Variants in MGAT5 observed in about 807,000 individuals in gnomAD.
The protein encoded by MGAT5 is alpha-1,6-mannosylglycoprotein 6-beta-N-acetylglucosaminyltransferase.
A neutral mutation model predicts 94.3 loss-of-function variants in MGAT5; 30 were observed. The observed-to-expected ratio is 0.32, with a 90% CI of 0.24 to 0.43. The LOEUF (loss-of-function observed/expected upper bound fraction) is 0.43, where lower values mean the gene tolerates loss of function less well. Ranked by LOEUF, MGAT5 falls within the 20% of genes least tolerant of loss-of-function variation. The pLI, the probability that MGAT5 is intolerant of heterozygous loss-of-function variation, is 1.00. For synonymous variants in MGAT5, 310 were observed against 322.9 expected (o/e 0.96, Z 0.43); for missense variants, 691 against 905.5 (o/e 0.76, Z 3.04).
chr2:134,209,146 T>TAACATAACAACATAAAACCCCGTAAAA (rs1558989217), intron 1 of MGAT5, among the ~76,000 whole-genome samples: 2 of 33,066 alleles, frequency 6.0e-5, no homozygotes, highest in East Asian at 8.8e-4. Flanking sequence ...GGCTTATTTT[T>TAACATAACAACATAAAACCCCGTAAAA]TTTTTATTTT....
At chr2:134,229,612 TAGAA>T (rs1464013591) in intron 1 of MGAT5, among the ~76,000 whole-genome samples, 1 of 152,236 alleles carries the variant, frequency 6.6e-6, no homozygotes, top group Non-Finnish European at 1.5e-5. Context: ...TATGATTTGT[TAGAA>T]AGATGATTTA....
intron 1 of MGAT5, among the ~76,000 whole-genome samples, chr2:134,148,828 G>T (rs901724577): frequency 7.3e-6 from 1 of 136,690 alleles, no homozygotes; most frequent in Non-Finnish European, 1.5e-5. Context: ...GTGTGATCTC[G>T]GCTCACCGCA....
chr2:134,406,409 G>A (rs887209524), intron 11 of MGAT5, among the ~76,000 whole-genome samples: 1 of 152,152 alleles, frequency 6.6e-6, no homozygotes, highest in Non-Finnish European at 1.5e-5. Context: ...GGTCATGACG[G>A]CACTGTTTCC....
chr2:134,187,739 GA>G (rs1392167010), intron 1 of MGAT5, among the ~76,000 whole-genome samples: 2 of 152,182 alleles, frequency 1.3e-5, no homozygotes, highest in African/African-American at 4.8e-5. Context: ...TCGGATAAGT[GA>G]ATGAAATTGA....
chr2:134,213,852 A>T (rs1426320526), intron 1 of MGAT5, among the ~76,000 whole-genome samples: 1 of 148,214 alleles, frequency 6.7e-6, no homozygotes, highest in Non-Finnish European at 1.5e-5. Context: ...GGTTGTGTTC[A>T]GCAACCTGGA....
At chr2:134,321,351 G>A (rs1359637751) in intron 4 of MGAT5, among the ~76,000 whole-genome samples, 1 of 152,186 alleles carries the variant, frequency 6.6e-6, no homozygotes, top group Non-Finnish European at 1.5e-5. Flanking sequence ...TTTGCATGTT[G>A]GGGTATGCTG....
chr2:134,324,316 G>A (rs1687516104), intron 4 of MGAT5, among the ~76,000 whole-genome samples: 1 of 152,124 alleles, frequency 6.6e-6, no homozygotes, highest in Admixed American at 6.6e-5. Flanking sequence ...ATGCATGAGA[G>A]TGTGTCTATG....
intron 2 of MGAT5, among the ~76,000 whole-genome samples, chr2:134,277,627 GGAGGATTAGGTGA>G (rs1449499650): frequency 5.3e-5 from 8 of 152,176 alleles, no homozygotes; most frequent in African/African-American, 1.9e-4. Flanking sequence ...AACCATGTCA[GGAGGATTAGGTGA>G]GACCAATAAC....
intron 2 of MGAT5, among the ~76,000 whole-genome samples, chr2:134,293,028 G>T (rs1685464662): frequency 6.6e-6 from 1 of 152,214 alleles, no homozygotes; most frequent in Non-Finnish European, 1.5e-5. Context: ...GGGAAAAATA[G>T]CTAGCAAGCA....
chr2:134,159,845 A>G (rs1687649902), intron 1 of MGAT5, among the ~76,000 whole-genome samples: 1 of 152,182 alleles, frequency 6.6e-6, no homozygotes, highest in South Asian at 2.1e-4. Flanking sequence ...GTTAAGCACT[A>G]CTTTAGCTCC....
intron 11 of MGAT5, among the ~76,000 whole-genome samples, chr2:134,408,600 C>T (rs1683472870): frequency 6.6e-6 from 1 of 152,188 alleles, no homozygotes; most frequent in South Asian, 2.1e-4. Context: ...CCTTCCAGCT[C>T]TTCCCTAGAG....
chr2:134,141,578 C>T (rs946523709), intron 1 of MGAT5, among the ~76,000 whole-genome samples: 17 of 152,182 alleles, frequency 1.1e-4, no homozygotes, highest in African/African-American at 4.1e-4. Flanking sequence ...GGGGAGCTTA[C>T]AGCCTAATGA....
rs75440353 is a variant in MGAT5, at chr2:134,339,315, G to A, written c.807+895G>A. 5.5e-3 allele frequency among the ~76,000 whole-genome samples: 843 copies of A among 152,234 alleles called. 2 individuals carry two copies. Among genetic ancestry groups the A allele is most frequent in the Admixed American group, 8.5e-3 (130 of 15,288 alleles). Reference sequence around the variant, plus strand: ...CTGTATATTCCTGTGGAGTAACCTCGAGGATATATTGTTAGGTGAAGAAAA... The same window carrying A: ...CTGTATATTCCTGTGGAGTAACCTCAAGGATATATTGTTAGGTGAAGAAAA... On this transcript the variant is annotated intron_variant, in intron 6 of 15. Transcript: ENST00000281923.
At chr2:134,127,740 T>C (rs1685914718) in intron 1 of MGAT5, among the ~76,000 whole-genome samples, 1 of 152,122 alleles carries the variant, frequency 6.6e-6, no homozygotes, top group Admixed American at 6.5e-5. Flanking sequence ...TTAGTGATTC[T>C]GATTTCTCAT....
chr2:134,235,266 G>T (rs1264694057), intron 1 of MGAT5, among the ~76,000 whole-genome samples: 1 of 152,102 alleles, frequency 6.6e-6, no homozygotes, highest in East Asian at 1.9e-4. Flanking sequence ...GCCTGGGAAG[G>T]TGGTTATCTT....
At chr2:134,326,003 C>T (rs1178238955) in intron 4 of MGAT5, among the ~76,000 whole-genome samples, 1 of 149,372 alleles carries the variant, frequency 6.7e-6, no homozygotes, top group African/African-American at 2.5e-5. Context: ...GTATTATATA[C>T]TTGAGTTGGG....
At chr2:134,441,649 T>G in intron 14 of MGAT5, 109 bp from the exon 15 acceptor site, 6 of 1,320,724 alleles carry the variant, frequency 4.5e-6, no homozygotes, top group Non-Finnish European at 6.3e-6. Context: ...CTCTTCCCCG[T>G]CCCTGTGCTC....
intron 4 of MGAT5, among the ~76,000 whole-genome samples, chr2:134,332,587 G>T (rs368922267): frequency 4.4e-4 from 67 of 152,140 alleles, no homozygotes; most frequent in African/African-American, 7.7e-4. Context: ...AATTGACAAA[G>T]GGGATCTAAT....
In MGAT5 at chr2:134,370,134, G is replaced by T. The variant is rs559075622; in HGVS notation, c.1380+7726G>T. On this transcript the variant is annotated intron_variant, in intron 10 of 15. Transcript: ENST00000281923. ...TTAGTTTAAATTAATGCAAAATTGG[G>T]AATGGGAGTCATTTGGAGAAATGCC... 1.5e-4 allele frequency among the ~76,000 whole-genome samples: 23 copies of T among 152,298 alleles called. No homozygotes were observed. The South Asian group carries it at 4.8e-3, about 32-fold the overall frequency.
Sources: allele counts gnomAD v4.1 joint callset (sites outside exome capture counted in the v4.1 genomes callset), GRCh38; gene constraint gnomAD v4.1.1; transcripts MANE v1.5; gene names NCBI Gene and HGNC (gene_info 2026-07-23, HGNC 2026-07-21).